Variants in SYN3 observed in about 807,000 individuals in gnomAD.
SYN3 encodes synapsin-3.
A neutral mutation model predicts 65.8 loss-of-function variants in SYN3; 35 were observed. The observed-to-expected ratio is 0.53, with a 90% confidence interval of 0.41 to 0.70. The LOEUF (loss-of-function observed/expected upper bound fraction) is 0.70. SYN3 is among the 30% of genes least tolerant of loss of function. The pLI is 0.00. For synonymous variants in SYN3, 270 were observed against 292.9 expected, an observed-to-expected ratio of 0.92 and a Z score of 0.80; for missense variants, 680 against 749.0, an observed-to-expected ratio of 0.91 and a Z score of 1.08.
chr22:32,734,513 G>GCAGGCAGACAGACAGACAGA (rs1555941120), intron 6 of SYN3, among the ~76,000 whole-genome samples: 2 of 151,318 alleles, frequency 1.3e-5, no homozygotes, highest in Non-Finnish European at 1.5e-5. Flanking sequence ...AGGCAGGCAG[G>GCAGGCAGACAGACAGACAGA]CAGACAGACA....
chr22:32,846,989 C>G (rs183046695), intron 6 of SYN3, among the ~76,000 whole-genome samples: 39 of 152,344 alleles, frequency 2.6e-4, no homozygotes, highest in African/African-American at 7.5e-4. Context: ...TGGGGCAGGT[C>G]TGCTTGTGAC....
chr22:32,818,656 C>A (rs1043294791), intron 6 of SYN3, among the ~76,000 whole-genome samples: 1 of 152,234 alleles, frequency 6.6e-6, no homozygotes, highest in Admixed American at 6.5e-5. Flanking sequence ...TGTCTCCCCT[C>A]CGGCGCTGGG....
chr22:32,860,895 T>A (rs1236664980), intron 6 of SYN3: 2 of 147,604 alleles, frequency 1.4e-5, no homozygotes, highest in Non-Finnish European at 3.0e-5. Flanking sequence ...TTGCAACCAG[T>A]TGTAGGGTTT....
intron 11 of SYN3, among the ~76,000 whole-genome samples, 193 bp from the exon 12 acceptor site, chr22:32,528,198 A>G (rs1480448219): frequency 6.6e-6 from 1 of 152,192 alleles, no homozygotes; most frequent in Non-Finnish European, 1.5e-5. Context: ...CCAGATCAAA[A>G]CAGAGGGCAT....
chr22:32,820,687 G>T lies in SYN3; in HGVS notation c.711+44228C>A, dbSNP rs2047221299. Among the ~76,000 whole-genome samples, 6 of 152,306 alleles carry T rather than the reference G, an allele frequency of 3.9e-5. No individual in the cohort carries two copies. The South Asian group carries it at 1.2e-3, about 32-fold the overall frequency. ...CATCACCAGGACCTGATTACCCCCAGGCACCAAGGAGCACCTGGGACCAAG... is the reference window on the plus strand; with the variant it reads ...CATCACCAGGACCTGATTACCCCCATGCACCAAGGAGCACCTGGGACCAAG... On this transcript the variant is annotated intron_variant, in intron 6 of 13. Coordinates refer to ENST00000358763, the MANE Select transcript of SYN3 (RefSeq NM_003490.4).
At chr22:32,590,592 C>T (rs993392701) in intron 7 of SYN3, among the ~76,000 whole-genome samples, 22 of 152,138 alleles carry the variant, frequency 1.4e-4, no homozygotes, top group Non-Finnish European at 2.4e-4. Context: ...AGCTATATTC[C>T]GAAGTGGTTG....
chr22:32,654,089 A>T (rs1467038360), intron 6 of SYN3, among the ~76,000 whole-genome samples: 2 of 152,238 alleles, frequency 1.3e-5, no homozygotes. Flanking sequence ...GTGGTGCCCA[A>T]GGTGTCTCCA....
At chr22:32,995,445 T>G (rs2145740291) in intron 2 of SYN3, among the ~76,000 whole-genome samples, 1 of 152,364 alleles carries the variant, frequency 6.6e-6, no homozygotes, top group South Asian at 2.1e-4. Context: ...AAGTATTAAC[T>G]GGGTGTCTTG....
At chr22:32,549,021 G>A (rs906412299) in intron 7 of SYN3, among the ~76,000 whole-genome samples, 2 of 152,088 alleles carry the variant, frequency 1.3e-5, no homozygotes, top group East Asian at 1.9e-4. Flanking sequence ...GGGATGTTGG[G>A]ATGGTCCTCT....
At chr22:32,944,058 G>T (rs1034440050) in intron 3 of SYN3, among the ~76,000 whole-genome samples, 1 of 152,106 alleles carries the variant, frequency 6.6e-6, no homozygotes, top group Non-Finnish European at 1.5e-5. Context: ...AGTTAACAAG[G>T]ATATCCAGGA....
At chr22:32,613,485 C>A (rs1029112197) in intron 6 of SYN3, among the ~76,000 whole-genome samples, 3 of 152,116 alleles carry the variant, frequency 2.0e-5, no homozygotes, top group African/African-American at 7.2e-5. Context: ...AGCTTTGAGA[C>A]CTGGAGTTAA....
chr22:33,041,210 C>A (rs2053958835), intron 1 of SYN3, among the ~76,000 whole-genome samples: 3 of 151,960 alleles, frequency 2.0e-5, no homozygotes, highest in Admixed American at 1.3e-4. Flanking sequence ...AGTCACTGGG[C>A]CCAGCCTGGG....
chr22:32,986,761 A>G (rs2052538847), intron 2 of SYN3, among the ~76,000 whole-genome samples: 1 of 152,044 alleles, frequency 6.6e-6, no homozygotes, highest in Non-Finnish European at 1.5e-5. Context: ...AATATGTTCA[A>G]TCTCATAATA....
chr22:32,988,375 A>G (rs1199731433), intron 2 of SYN3, among the ~76,000 whole-genome samples: 1 of 150,700 alleles, frequency 6.6e-6, no homozygotes, highest in African/African-American at 2.4e-5. Flanking sequence ...GAAAAGTACT[A>G]TGAATAAAAT....
At chr22:32,514,870 GC>G (rs955942379) in intron 13 of SYN3, among the ~76,000 whole-genome samples, 4 of 152,166 alleles carry the variant, frequency 2.6e-5, no homozygotes, top group Non-Finnish European at 5.9e-5. Context: ...CAAAAAATTA[GC>G]CGGGTGAGGT....
intron 4 of SYN3, among the ~76,000 whole-genome samples, chr22:32,898,637 A>G (rs1297548863): frequency 6.6e-6 from 1 of 152,242 alleles, no homozygotes; most frequent in Admixed American, 6.5e-5. Context: ...AGCCAGTCTG[A>G]TAGAAAAAAC....
intron 12 of SYN3, among the ~76,000 whole-genome samples, chr22:32,519,155 T>C (rs2057831499): frequency 6.6e-6 from 1 of 152,170 alleles, no homozygotes; most frequent in Non-Finnish European, 1.5e-5. Context: ...CCCCCCAGTC[T>C]ATGGCATTTT....
At chr22:32,581,141 G>A (rs900339941) in intron 7 of SYN3, among the ~76,000 whole-genome samples, 1 of 152,064 alleles carries the variant, frequency 6.6e-6, no homozygotes, top group African/African-American at 2.4e-5. Flanking sequence ...ACTGAGTCTC[G>A]CTCTGCCACT....
chr22:33,034,568 C>T (rs1363486864), intron 1 of SYN3, among the ~76,000 whole-genome samples: 2 of 151,996 alleles, frequency 1.3e-5, no homozygotes, highest in Non-Finnish European at 2.9e-5. Flanking sequence ...TTTCTAGTGA[C>T]TCACTTCACC....
Sources: allele counts gnomAD v4.1 joint callset (sites outside exome capture counted in the v4.1 genomes callset), GRCh38; gene constraint gnomAD v4.1.1; transcripts MANE v1.5; gene names NCBI Gene and HGNC (gene_info 2026-07-23, HGNC 2026-07-21).